The following PMF1 variants were observed in gnomAD, a reference collection of about 807,000 sequenced individuals.
PMF1 encodes polyamine modulated factor 1, also known as polyamine-modulated factor 1.
PMF1 carries 21 observed loss-of-function variants against 26.7 expected under a neutral mutation model. The ratio of observed to expected loss-of-function variants is 0.79; its 90% CI spans 0.56 to 1.13. The LOEUF is 1.13. Ranked by LOEUF, PMF1 falls within the 50% of genes most tolerant of loss-of-function variation. The probability of loss-of-function intolerance (pLI) is 0.00; values close to 1 mark genes in which losing one functional copy is unlikely to be tolerated. For synonymous variants in PMF1, 105 were observed against 101.0 expected, an observed-to-expected ratio of 1.04 and a Z score of -0.24; for missense variants, 266 against 254.9, an observed-to-expected ratio of 1.04 and a Z score of -0.30.
At chr1:156,235,928 C>T (rs946467867) in intron 3 of PMF1, among the ~76,000 whole-genome samples, 17 of 152,104 alleles carry the variant, frequency 1.1e-4, no homozygotes, top group Admixed American at 3.3e-4. Flanking sequence ...ATGCACCAGC[C>T]GGGCACATGG....
chr1:156,213,555 C>T (rs1657510272), intron 1 of PMF1, among the ~76,000 whole-genome samples: 1 of 152,002 alleles, frequency 6.6e-6, no homozygotes, highest in Non-Finnish European at 1.5e-5. Flanking sequence ...GACTCGACCT[C>T]CTGGGCTCAA....
chr1:156,226,858 T>C (rs1658399181), intron 1 of PMF1, among the ~76,000 whole-genome samples: 5 of 152,174 alleles, frequency 3.3e-5, no homozygotes, highest in Admixed American at 3.3e-4. Context: ...ATGCATTGGG[T>C]AGCTGGGTGA....
chr1:156,233,462 T>C (rs1217287080), intron 2 of PMF1, among the ~76,000 whole-genome samples, 166 bp from the exon 3 acceptor site: 1 of 151,646 alleles, frequency 6.6e-6, no homozygotes, highest in Non-Finnish European at 1.5e-5. Flanking sequence ...CCAGCCTATT[T>C]TCTTAATTAT....
rs558088167 is a variant in PMF1, at chr1:156,233,184, C to T, written c.268-444C>T. ...TGTTTGCTTTTTTGAGGCAGAGTCT[C>T]ATTCTGTTGCCCAGGCTATAGTGCA... On this transcript the variant is annotated intron_variant, in intron 2 of 4. Transcript: ENST00000368277. Among the ~76,000 whole-genome samples the T allele has an allele frequency of 8.3e-4, 126 of 152,148 alleles. 1 individual carries two copies. Among genetic ancestry groups the T allele is most frequent in the African/African-American group, 2.7e-3 (113 of 41,516 alleles).
At chr1:156,223,703 T>G (rs1334465264) in intron 1 of PMF1, 2 of 151,402 alleles carry the variant, frequency 1.3e-5, no homozygotes, top group Non-Finnish European at 2.9e-5. Flanking sequence ...CACCCGCCCT[T>G]CAGCTACACT....
intron 4 of PMF1, 46 bp downstream of exon 4, chr1:156,236,529 C>T (rs771464521): frequency 1.3e-6 from 2 of 1,539,958 alleles, no homozygotes; most frequent in African/African-American, 1.4e-5. Context: ...CTAATGGGCC[C>T]TCTGAGATCC....
chr1:156,233,789 T>A, intron 3 of PMF1, 61 bp downstream of exon 3: 1 of 1,537,234 alleles, frequency 6.5e-7, no homozygotes. Flanking sequence ...AGCTTTTTTT[T>A]TTTTTTTCTA....
intron 1 of PMF1, among the ~76,000 whole-genome samples, chr1:156,225,131 C>T (rs903843849): frequency 6.6e-5 from 10 of 152,062 alleles, no homozygotes; most frequent in Non-Finnish European, 1.0e-4. Context: ...AACTCCTGAC[C>T]TCAGGTAATC....
At chr1:156,234,199 C>T (rs894724487) in intron 3 of PMF1, among the ~76,000 whole-genome samples, 1 of 152,184 alleles carries the variant, frequency 6.6e-6, no homozygotes, top group Non-Finnish European at 1.5e-5. Context: ...AAACAGTAAG[C>T]GAAAACTGTT....
chr1:156,215,014 A>G (rs2103070948), intron 1 of PMF1, among the ~76,000 whole-genome samples: 1 of 151,768 alleles, frequency 6.6e-6, no homozygotes, highest in South Asian at 2.1e-4. Flanking sequence ...AGTAGTTGAG[A>G]TTACAGGTGC....
intron 1 of PMF1, among the ~76,000 whole-genome samples, chr1:156,213,584 C>CT (rs1374504726): frequency 6.6e-6 from 1 of 152,124 alleles, no homozygotes; most frequent in Non-Finnish European, 1.5e-5. Flanking sequence ...CCTGCCGCAG[C>CT]TTCCCAAGTA....
chr1:156,223,991 T>A (rs1658220273), intron 1 of PMF1: 1 of 152,222 alleles, frequency 6.6e-6, no homozygotes, highest in African/African-American at 2.4e-5. Context: ...ATTTTTTATC[T>A]TCATGCTAAT....
chr1:156,229,858 C>T (rs1658596518), intron 1 of PMF1, among the ~76,000 whole-genome samples: 1 of 152,212 alleles, frequency 6.6e-6, no homozygotes, highest in Non-Finnish European at 1.5e-5. Flanking sequence ...CAGGCATGAG[C>T]CACTGCGCCC....
At chr1:156,227,574 G>A (rs1558193376) in intron 1 of PMF1, among the ~76,000 whole-genome samples, 1 of 149,818 alleles carries the variant, frequency 6.7e-6, no homozygotes, top group Non-Finnish European at 1.5e-5. Context: ...TCAGCTCACC[G>A]CAATCTCCGC....
intron 1 of PMF1, among the ~76,000 whole-genome samples, chr1:156,214,932 C>T (rs1277099012): frequency 1.3e-5 from 2 of 150,710 alleles, no homozygotes; most frequent in Admixed American, 6.6e-5. Context: ...GGCTGGAGTG[C>T]AGTGGCTCGA....
chr1:156,216,614 C>T (rs1168232924), intron 1 of PMF1, among the ~76,000 whole-genome samples: 4 of 151,814 alleles, frequency 2.6e-5, no homozygotes, highest in Admixed American at 2.6e-4. Flanking sequence ...CTCCCGGTGC[C>T]GGCCCGGGTC....
intron 1 of PMF1, among the ~76,000 whole-genome samples, chr1:156,218,834 A>T (rs1376427777): frequency 1.3e-5 from 2 of 151,970 alleles, no homozygotes; most frequent in Non-Finnish European, 2.9e-5. Context: ...GTTTTTTTTT[A>T]ATCCTAATTT....
intron 1 of PMF1, among the ~76,000 whole-genome samples, chr1:156,230,157 G>T (rs1432294115): frequency 1.3e-5 from 2 of 152,152 alleles, no homozygotes; most frequent in Non-Finnish European, 2.9e-5. Flanking sequence ...GGGCCCTAAT[G>T]CCCTGTTTAC....
At chr1:156,232,241 G>A (rs983637824) in intron 1 of PMF1, 79 bp from the exon 2 acceptor site, 37 of 1,287,160 alleles carry the variant, frequency 2.9e-5, no homozygotes, top group African/African-American at 5.9e-5. Flanking sequence ...CCTGTAATGC[G>A]AAGCGGAGGT....
Sources: gnomAD v4.1 joint callset for allele counts (sites outside exome capture counted in the v4.1 genomes callset) on GRCh38, gnomAD v4.1.1 for gene constraint, MANE v1.5 for transcripts, NCBI Gene and HGNC (gene_info 2026-07-23, HGNC 2026-07-21) for gene names.